The following MS4A5 variants were observed in gnomAD, a reference collection of about 807,000 sequenced individuals.
MS4A5 encodes the protein membrane spanning 4-domains A5.
A neutral mutation model predicts 18.2 loss-of-function variants in MS4A5; 15 were observed. That is an observed-to-expected ratio of 0.83 (90% confidence interval 0.55 to 1.27). The LOEUF (loss-of-function observed/expected upper bound fraction) is 1.27, where lower values mean the gene tolerates loss of function less well. Ranked by LOEUF, MS4A5 falls within the 50% of genes most tolerant of loss-of-function variation. MS4A5 has a pLI of 0.00. For missense variants in MS4A5, 232 were observed against 225.7 expected, an observed-to-expected ratio of 1.03 and a Z score of -0.18; for synonymous variants, 89 against 78.7, an observed-to-expected ratio of 1.13 and a Z score of -0.69.
intron 4 of MS4A5, among the ~76,000 whole-genome samples, chr11:60,444,100 G>A (rs2135180062): frequency 6.6e-6 from 1 of 152,222 alleles, no homozygotes; most frequent in African/African-American, 2.4e-5. Flanking sequence ...CCCAACTCAC[G>A]AGTATTCATG....
chr11:60,431,649 G>A (rs546681804), intron 2 of MS4A5, among the ~76,000 whole-genome samples: 2 of 152,304 alleles, frequency 1.3e-5, no homozygotes, highest in South Asian at 4.2e-4. Flanking sequence ...GACATTTCCA[G>A]CTTGACCAAG....
chr11:60,437,555 T>C (rs1244842607), intron 4 of MS4A5, among the ~76,000 whole-genome samples: 1 of 151,738 alleles, frequency 6.6e-6, no homozygotes, highest in Non-Finnish European at 1.5e-5. Flanking sequence ...ACACATAGGC[T>C]CAAAATAAAA....
intron 4 of MS4A5, among the ~76,000 whole-genome samples, chr11:60,447,091 C>A (rs572797228): frequency 6.8e-6 from 1 of 147,894 alleles, no homozygotes; most frequent in African/African-American, 2.6e-5. Flanking sequence ...GCTATGCTAG[C>A]TATGCTATGC....
intron 1 of MS4A5, 102 bp downstream of exon 1, chr11:60,429,929 T>C (rs2086039469): frequency 1.8e-6 from 2 of 1,120,566 alleles, no homozygotes; most frequent in Non-Finnish European, 2.5e-6. Context: ...ATTCCAATTC[T>C]TCTTTAAGAC....
chr11:60,446,637 G>A lies in MS4A5; in HGVS notation c.493-1012G>A, dbSNP rs368161598. Reference sequence around the variant, plus strand: ...AATCCCAGCTACTCGGGAGGCTGAGGCAGGAGAATCGCTTGAACCTGGGAG... The same window carrying A: ...AATCCCAGCTACTCGGGAGGCTGAGACAGGAGAATCGCTTGAACCTGGGAG... On this transcript the variant is annotated intron_variant, in intron 4 of 4. Coordinates refer to ENST00000300190, the MANE Select transcript of MS4A5 (RefSeq NM_023945.3). Among the ~76,000 whole-genome samples the A allele has an allele frequency of 4.6e-5, 7 of 152,052 alleles. No homozygotes were observed. In the South Asian group the frequency reaches 1.5e-3, roughly 32 times the overall value.
chr11:60,435,936 C>G (rs1462086069), intron 4 of MS4A5, among the ~76,000 whole-genome samples: 1 of 152,238 alleles, frequency 6.6e-6, no homozygotes, highest in Non-Finnish European at 1.5e-5. Context: ...CACGACAGCT[C>G]AAGGAGGCCT....
chr11:60,447,285 C>T (rs2086145308), intron 4 of MS4A5, among the ~76,000 whole-genome samples: 1 of 151,098 alleles, frequency 6.6e-6, no homozygotes, highest in Non-Finnish European at 1.5e-5. Flanking sequence ...CTATGCTATG[C>T]TATGCTATGC....
At chr11:60,435,957 G>A (rs1444912002) in intron 4 of MS4A5, among the ~76,000 whole-genome samples, 1 of 152,246 alleles carries the variant, frequency 6.6e-6, no homozygotes, top group Non-Finnish European at 1.5e-5. Context: ...GCCTGCCTCT[G>A]TAGGCTCCAC....
chr11:60,447,274 CCTATG>C (rs368321160), intron 4 of MS4A5, among the ~76,000 whole-genome samples: 1,590 of 133,450 alleles, frequency 0.012, 37 homozygotes, highest in African/African-American at 0.042. Context: ...CCTATGGTAT[CCTATG>C]CTATGCTATG....
At chr11:60,438,589 G>C (rs1466882472) in intron 4 of MS4A5, among the ~76,000 whole-genome samples, 1 of 151,974 alleles carries the variant, frequency 6.6e-6, no homozygotes, top group African/African-American at 2.4e-5. Context: ...TGATAAAGGG[G>C]ATGTCACCAC....
chr11:60,441,427 A>AT (rs1363400496), intron 4 of MS4A5, among the ~76,000 whole-genome samples: 4 of 31,242 alleles, frequency 1.3e-4, no homozygotes, highest in East Asian at 1.0e-3. Context: ...TTAAAGTATA[A>AT]TAAAAAAAAA....
At chr11:60,433,329 T>A (rs1179628166) in intron 3 of MS4A5, among the ~76,000 whole-genome samples, 1 of 152,262 alleles carries the variant, frequency 6.6e-6, no homozygotes, top group Admixed American at 6.5e-5. Flanking sequence ...GATATTACTA[T>A]GCCAACAAAA....
At chr11:60,441,391 C>T (rs571092598) in intron 4 of MS4A5, among the ~76,000 whole-genome samples, 1 of 91,430 alleles carries the variant, frequency 1.1e-5, no homozygotes, top group South Asian at 3.3e-4. Context: ...AACTAACCTG[C>T]ACAATGTGCA....
chr11:60,432,409 A>C lies in MS4A5; in HGVS notation c.283-2A>C, dbSNP rs1486188392. ...CATTAACATATTTATTCCTCTTAAC[A>C]GTTCATTAATTCTGGAGCCTTCCTA... is the stretch of plus-strand genomic sequence containing the variant. On this transcript the variant is annotated splice_acceptor_variant, in intron 2 of 4. Coordinates refer to ENST00000300190, the MANE Select transcript of MS4A5 (RefSeq NM_023945.3). LOFTEE classifies it high-confidence loss of function. The C allele has an allele frequency of 3.8e-6, 6 of 1,575,534 alleles. No homozygotes were observed. Among genetic ancestry groups the C allele is most frequent in the Non-Finnish European group, 5.2e-6 (6 of 1,148,406 alleles).
chr11:60,432,236 T>C (rs932483981), intron 2 of MS4A5, among the ~76,000 whole-genome samples, 175 bp from the exon 3 acceptor site: 1 of 152,218 alleles, frequency 6.6e-6, no homozygotes, highest in Non-Finnish European at 1.5e-5. Flanking sequence ...ACCAGTGTTT[T>C]GTCCACTATT....
In MS4A5 at chr11:60,447,661, A is replaced by G. The variant is rs577022573; in HGVS notation, c.505A>G (p.Thr169Ala). The G allele has an allele frequency of 9.2e-5, 144 of 1,573,210 alleles. 2 individuals carry two copies. The South Asian group carries it at 1.7e-3, about 18-fold the overall frequency. The change falls in exon 5 of 5, where the codon ACA becomes GCA. Residue 169 changes from threonine to alanine, a missense_variant. Physicochemically the swap from Thr to Ala is moderately conservative, Grantham distance 58. Transcript: ENST00000300190. ...TCTTCTATTACAGGGAATTTTGATT[A>G]CATTGATGACTTTCAGCATTATTGA... The part of the protein sequence containing the change: ...VTVLFLGILI[T>A]LMTFSIIELF...
chr11:60,436,000 C>A (rs2086078147), intron 4 of MS4A5, among the ~76,000 whole-genome samples: 1 of 152,342 alleles, frequency 6.6e-6, no homozygotes, highest in South Asian at 2.1e-4. Flanking sequence ...AACAAAAAGA[C>A]AGCAGTAACC....
At chr11:60,429,856 T>C in intron 1 of MS4A5, 29 bp downstream of exon 1, 1 of 1,599,738 alleles carries the variant, frequency 6.3e-7, no homozygotes, top group Non-Finnish European at 8.5e-7. Context: ...TATGTATATT[T>C]TACTGAGGCA....
chr11:60,434,397 A>G (rs1476553720), intron 4 of MS4A5, among the ~76,000 whole-genome samples: 3 of 152,212 alleles, frequency 2.0e-5, no homozygotes. Context: ...CCACATGGAG[A>G]GAAAAAGAGA....
Sources: allele counts gnomAD v4.1 joint callset (sites outside exome capture counted in the v4.1 genomes callset), GRCh38; gene constraint gnomAD v4.1.1; transcripts MANE v1.5; gene names NCBI Gene and HGNC (gene_info 2026-07-23, HGNC 2026-07-21).